Variants in GALNT13 observed in about 807,000 individuals in gnomAD.
GALNT13 encodes the protein UDP-GalNAc:polypeptide N-acetylgalactosaminyltransferase 13.
GALNT13 carries 28 observed loss-of-function variants against 64.2 expected under a neutral mutation model. That is an observed-to-expected ratio of 0.44 (90% CI 0.32 to 0.60). The LOEUF is 0.60. Ranked by LOEUF, GALNT13 falls within the 20% of genes least tolerant of loss-of-function variation. The pLI is 0.05. For missense variants in GALNT13, 577 were observed against 669.8 expected (o/e 0.86, Z 1.53); for synonymous variants, 214 against 224.6 (o/e 0.95, Z 0.42).
chr2:153,406,917 T>G, the GALNT13 span, among the ~76,000 whole-genome samples: 4 of 152,276 alleles, frequency 2.6e-5, no homozygotes, highest in South Asian at 8.3e-4. Flanking sequence ...ATTATCATTT[T>G]CAGCTTAAAA....
intron 3 of GALNT13, among the ~76,000 whole-genome samples, chr2:154,126,642 C>CA (rs61506112): frequency 0.47 from 60,988 of 130,530 alleles, 13,327 homozygotes; most frequent in East Asian, 0.74. Context: ...CTCAAAAAAA[C>CA]AAAAAAAAAA....
the GALNT13 span, among the ~76,000 whole-genome samples, chr2:153,179,475 CAAAT>C: frequency 6.6e-6 from 1 of 152,074 alleles, no homozygotes; most frequent in African/African-American, 2.4e-5. Flanking sequence ...AATTTGAAAT[CAAAT>C]AGTGTGATGT....
the GALNT13 span, among the ~76,000 whole-genome samples, chr2:153,472,581 T>C: frequency 6.6e-6 from 1 of 152,322 alleles, no homozygotes; most frequent in Non-Finnish European, 1.5e-5. Flanking sequence ...TACTATCTAA[T>C]GGAAACCAGT....
chr2:154,302,221 G>A (rs1693482610), intron 9 of GALNT13, among the ~76,000 whole-genome samples: 1 of 151,934 alleles, frequency 6.6e-6, no homozygotes, highest in Non-Finnish European at 1.5e-5. Context: ...ATTACTGGGT[G>A]GTGGGATTAT....
intron 4 of GALNT13, among the ~76,000 whole-genome samples, chr2:154,223,188 A>C (rs2105826224): frequency 6.6e-6 from 1 of 152,208 alleles, no homozygotes; most frequent in African/African-American, 2.4e-5. Flanking sequence ...GGAGAAACCT[A>C]TTATTTTGAT....
At chr2:154,382,033 A>G (rs1015426880) in intron 9 of GALNT13, among the ~76,000 whole-genome samples, 2 of 152,120 alleles carry the variant, frequency 1.3e-5, no homozygotes, top group Non-Finnish European at 2.9e-5. Flanking sequence ...CACAGCTATG[A>G]TATAATTCAA....
At chr2:153,493,023 C>T in the GALNT13 span, among the ~76,000 whole-genome samples, 3 of 151,710 alleles carry the variant, frequency 2.0e-5, no homozygotes, top group Admixed American at 1.3e-4. Flanking sequence ...ATGTGTGGGG[C>T]ATAGCAAAAG....
At chr2:153,718,415 T>G in the GALNT13 span, among the ~76,000 whole-genome samples, 713 of 134,116 alleles carry the variant, frequency 5.3e-3, 3 homozygotes, top group African/African-American at 0.02. Context: ...GCTTAAAGGG[T>G]TTTTTTTTTT....
the GALNT13 span, among the ~76,000 whole-genome samples, chr2:153,228,920 C>CT: frequency 1.3e-5 from 2 of 149,012 alleles, no homozygotes; most frequent in Non-Finnish European, 3.0e-5. Context: ...AATTGATTAC[C>CT]TTGTATCCAA....
the GALNT13 span, among the ~76,000 whole-genome samples, chr2:153,526,352 A>C: frequency 6.6e-6 from 1 of 152,250 alleles, no homozygotes; most frequent in East Asian, 1.9e-4. Flanking sequence ...GCTCAAAACA[A>C]AGACAGAAAC....
chr2:153,501,719 T>C, the GALNT13 span, among the ~76,000 whole-genome samples: 2 of 152,050 alleles, frequency 1.3e-5, no homozygotes, highest in Non-Finnish European at 2.9e-5. Context: ...CAAGATAAAA[T>C]GGAGAAAAAT....
the GALNT13 span, among the ~76,000 whole-genome samples, chr2:153,721,499 A>G: frequency 2.0e-5 from 3 of 150,986 alleles, no homozygotes; most frequent in Admixed American, 2.0e-4. Flanking sequence ...ATTCTCCAAT[A>G]AAAGACACAG....
At chr2:153,581,003 T>C in the GALNT13 span, among the ~76,000 whole-genome samples, 1 of 152,188 alleles carries the variant, frequency 6.6e-6, no homozygotes, top group South Asian at 2.1e-4. Flanking sequence ...TAATCCAGAT[T>C]CTTCTTGCTT....
chr2:154,162,679 GAGAC>G (rs1460380336), intron 4 of GALNT13, among the ~76,000 whole-genome samples: 2 of 152,190 alleles, frequency 1.3e-5, no homozygotes, highest in Non-Finnish European at 2.9e-5. Flanking sequence ...GTTAGATAAA[GAGAC>G]AGAGTTAAAT....
the GALNT13 span, among the ~76,000 whole-genome samples, chr2:153,486,356 T>A: frequency 1.3e-5 from 2 of 152,214 alleles, no homozygotes; most frequent in East Asian, 3.8e-4. Context: ...TATTATGTAA[T>A]AAGGGTAGAT....
intron 3 of GALNT13, among the ~76,000 whole-genome samples, chr2:154,123,514 G>A (rs923642975): frequency 3.3e-5 from 5 of 151,680 alleles, no homozygotes; most frequent in Admixed American, 1.3e-4. Flanking sequence ...TTTTAAAAAG[G>A]CACACTGAAT....
the GALNT13 span, among the ~76,000 whole-genome samples, chr2:153,333,911 G>C: frequency 6.6e-6 from 1 of 152,070 alleles, no homozygotes; most frequent in Non-Finnish European, 1.5e-5. Flanking sequence ...TATTTTTATT[G>C]CTTTCCTGAA....
At chr2:154,252,286 A>T (rs1386549996) in intron 7 of GALNT13, among the ~76,000 whole-genome samples, 1 of 151,890 alleles carries the variant, frequency 6.6e-6, no homozygotes, top group African/African-American at 2.4e-5. Context: ...TTCACAGGAA[A>T]ACATGGTACA....
intron 4 of GALNT13, among the ~76,000 whole-genome samples, chr2:154,194,182 G>A (rs960760344): frequency 3.9e-5 from 6 of 152,234 alleles, no homozygotes. Flanking sequence ...TGATATTGCA[G>A]CCAAGTTTAA....
Sources: allele counts gnomAD v4.1 joint callset (sites outside exome capture counted in the v4.1 genomes callset), GRCh38; gene constraint gnomAD v4.1.1; transcripts MANE v1.5; gene names NCBI Gene and HGNC (gene_info 2026-07-23, HGNC 2026-07-21).